Variants in SYNE1 observed in about 807,000 individuals in gnomAD.
The protein encoded by SYNE1 is nesprin-1.
A neutral mutation model predicts 1,111.0 loss-of-function variants in SYNE1; 616 were observed. That is an observed-to-expected ratio of 0.55 (90% confidence interval 0.52 to 0.59). The LOEUF is 0.59. Ranked by LOEUF, SYNE1 falls within the 20% of genes least tolerant of loss-of-function variation. The pLI, the probability that SYNE1 is intolerant of heterozygous loss-of-function variation, is 0.00. For missense variants in SYNE1, 10,006 were observed against 10,417.0 expected, an observed-to-expected ratio of 0.96 and a Z score of 1.72; for synonymous variants, 3,855 against 3,825.8, an observed-to-expected ratio of 1.01 and a Z score of -0.28.
At chr6:152,247,889 CAT>C (rs949367129) in intron 105 of SYNE1, among the ~76,000 whole-genome samples, 11 of 146,874 alleles carry the variant, frequency 7.5e-5, no homozygotes, top group African/African-American at 2.8e-4. Flanking sequence ...CACACACACA[CAT>C]ATTATATGTC....
intron 35 of SYNE1, 60 bp from the exon 36 acceptor site, chr6:152,430,270 A>G (rs1270876436): frequency 8.4e-6 from 12 of 1,422,958 alleles, no homozygotes; most frequent in Non-Finnish European, 1.2e-5. Flanking sequence ...AGACAAAAAA[A>G]AAAGTTACTG....
intron 74 of SYNE1, among the ~76,000 whole-genome samples, chr6:152,343,353 T>A (rs534223560): frequency 9.2e-5 from 14 of 151,746 alleles, no homozygotes; most frequent in African/African-American, 3.1e-4. Context: ...GAGATGAGGT[T>A]TCACCATGTT....
chr6:152,149,512 C>G lies in SYNE1; in HGVS notation c.24607G>C (p.Val8203Leu). ...ATCAGTTTCTTATGGTATCTTTCCA[C>G]ACGCCCGAAGACCTCCTGGCAGTAC... Reference protein sequence around the residue: ...RRYCQEVFGRVERYHKKLIRL... With the variant: ...RRYCQEVFGRLERYHKKLIRL... The change falls in exon 136 of 146, where the codon GTG becomes CTG. Residue 8203 changes from valine (V) to leucine (L), a missense_variant. Coordinates refer to ENST00000367255, the MANE Select transcript of SYNE1 (RefSeq NM_182961.4). The G allele has an allele frequency of 6.2e-7, 1 of 1,614,218 alleles. No individual in the cohort carries two copies. The highest frequency in any genetic ancestry group is 2.2e-5 in the East Asian group (1 of 44,878).
chr6:152,131,126 T>C (rs1326368343), intron 144 of SYNE1, among the ~76,000 whole-genome samples: 3 of 152,184 alleles, frequency 2.0e-5, no homozygotes, highest in African/African-American at 7.2e-5. Context: ...ACACTTAATA[T>C]ATTTTTTTTC....
At chr6:152,241,864 G>A (rs183053105) in intron 107 of SYNE1, among the ~76,000 whole-genome samples, 301 of 152,230 alleles carry the variant, frequency 2.0e-3, no homozygotes, top group African/African-American at 6.8e-3. Flanking sequence ...TGGGCAAAAA[G>A]GAAACACAGG....
chr6:152,152,448 T>A (rs893012078), intron 133 of SYNE1, among the ~76,000 whole-genome samples: 1 of 152,086 alleles, frequency 6.6e-6, no homozygotes, highest in African/African-American at 2.4e-5. Context: ...CACGTAGCTT[T>A]AAAAATAATT....
At chr6:152,263,859 T>C (rs1374719039) in intron 100 of SYNE1, among the ~76,000 whole-genome samples, 1 of 152,052 alleles carries the variant, frequency 6.6e-6, no homozygotes, top group African/African-American at 2.4e-5. Context: ...TGAAAGAGAA[T>C]ACATGCATAA....
chr6:152,225,041 T>C (rs538093584), intron 116 of SYNE1, among the ~76,000 whole-genome samples: 2 of 150,640 alleles, frequency 1.3e-5, no homozygotes, highest in Non-Finnish European at 1.5e-5. Flanking sequence ...AGAATTGTAT[T>C]AAATGAGTGT....
chr6:152,635,314 T>C (rs943800263), intron 2 of SYNE1, among the ~76,000 whole-genome samples: 3 of 152,254 alleles, frequency 2.0e-5, no homozygotes, highest in Admixed American at 2.0e-4. Flanking sequence ...AATATTGTTA[T>C]CTGGGTCAGT....
intron 3 of SYNE1, among the ~76,000 whole-genome samples, chr6:152,591,138 C>A (rs1310214252): frequency 6.6e-6 from 1 of 152,116 alleles, no homozygotes; most frequent in Non-Finnish European, 1.5e-5. Flanking sequence ...ATTTCATTTT[C>A]TTTGTGGCTA....
chr6:152,622,805 T>C (rs1583602410), intron 3 of SYNE1, among the ~76,000 whole-genome samples: 1 of 152,314 alleles, frequency 6.6e-6, no homozygotes, highest in Middle Eastern at 3.4e-3. Flanking sequence ...CTGGGTTGAA[T>C]GGTATTTTTG....
At chr6:152,508,377 T>A (rs992142179) in intron 8 of SYNE1, among the ~76,000 whole-genome samples, 1 of 152,238 alleles carries the variant, frequency 6.6e-6, no homozygotes, top group Non-Finnish European at 1.5e-5. Context: ...CTTCCACTGA[T>A]GTTACCAACA....
intron 130 of SYNE1, among the ~76,000 whole-genome samples, chr6:152,165,072 G>C (rs1030172279): frequency 6.7e-6 from 1 of 148,932 alleles, no homozygotes; most frequent in Non-Finnish European, 1.5e-5. Flanking sequence ...AGATATTCGC[G>C]CCCCCTCCCC....
rs1257361080 is a variant in SYNE1, at chr6:152,399,837, G to A, written c.7030-14C>T. 2.5e-6 allele frequency: 4 copies of A among 1,610,720 alleles called. No homozygotes were observed. The highest frequency in any genetic ancestry group is 4.5e-5 in the East Asian group (2 of 44,868). On this transcript the variant is annotated splice_polypyrimidine_tract_variant and intron_variant, in intron 47 of 145. Transcript: ENST00000367255. ...TTTTTGTATATCCTACAGAATAAAA[G>A]TATATTATGAAGGATATTCATAACT... is the stretch of plus-strand genomic sequence containing the variant.
At chr6:152,493,406 C>T (rs1167123464) in intron 11 of SYNE1, among the ~76,000 whole-genome samples, 2 of 152,024 alleles carry the variant, frequency 1.3e-5, no homozygotes, top group African/African-American at 2.4e-5. Context: ...AGCCTCTCTT[C>T]GCTTTCATTT....
chr6:152,447,337 C>A, intron 29 of SYNE1, 121 bp downstream of exon 29: 1 of 1,133,946 alleles, frequency 8.8e-7, no homozygotes, highest in Non-Finnish European at 1.3e-6. Flanking sequence ...AGCATAACAA[C>A]AATTCTGTTT....
chr6:152,206,185 G>GT lies in SYNE1; in HGVS notation c.23001dup (p.Leu7668ThrfsTer12), dbSNP rs1554553667. The GT allele has an allele frequency of 1.2e-6, 2 of 1,613,560 alleles. No homozygotes were observed. The highest frequency in any genetic ancestry group is 1.1e-5 in the South Asian group (1 of 91,048). On this transcript the variant is annotated frameshift_variant, in exon 126 of 146. Coordinates refer to ENST00000367255, the MANE Select transcript of SYNE1 (RefSeq NM_182961.4). LOFTEE classifies it high-confidence loss of function. ...GAACTTACTTTCAACAAGAAGGCTA[G>GT]TTTTTTCTTCTGTTCTTCCAGCCGC...
At chr6:152,281,410 T>C (rs543323397) in intron 97 of SYNE1, among the ~76,000 whole-genome samples, 2 of 152,342 alleles carry the variant, frequency 1.3e-5, no homozygotes, top group East Asian at 3.9e-4. Flanking sequence ...CCGAATAATA[T>C]ATCAGGATTA....
intron 127 of SYNE1, among the ~76,000 whole-genome samples, chr6:152,197,380 C>T (rs2153319094): frequency 6.6e-6 from 1 of 152,350 alleles, no homozygotes; most frequent in East Asian, 1.9e-4. Flanking sequence ...AATGTTCTTA[C>T]TGCCATCTGC....
Sources: allele counts gnomAD v4.1 joint callset (sites outside exome capture counted in the v4.1 genomes callset), GRCh38; gene constraint gnomAD v4.1.1; transcripts MANE v1.5; gene names NCBI Gene and HGNC (gene_info 2026-07-23, HGNC 2026-07-21).